The following GPC6 variants were observed in gnomAD, a reference collection of about 807,000 sequenced individuals.
GPC6 encodes glypican 6.
In GPC6, 14 loss-of-function variants were observed where a neutral mutation model predicts 55.2. That is an observed-to-expected ratio of 0.25 (90% CI 0.17 to 0.40). GPC6 has a LOEUF of 0.40. GPC6 is among the 10% of genes least tolerant of loss of function. The pLI, the probability that GPC6 is intolerant of heterozygous loss-of-function variation, is 1.00. For missense variants in GPC6, 641 were observed against 708.5 expected (o/e 0.90, Z 1.08); for synonymous variants, 278 against 259.6 (o/e 1.07, Z -0.68).
chr13:93,848,231 TC>T (rs1405773002), intron 3 of GPC6, among the ~76,000 whole-genome samples: 2 of 152,176 alleles, frequency 1.3e-5, no homozygotes, highest in East Asian at 3.9e-4. Context: ...TCTTACTTTT[TC>T]TTTATTCCAG....
intron 4 of GPC6, among the ~76,000 whole-genome samples, chr13:94,162,062 C>T (rs550023506): frequency 8.5e-5 from 13 of 152,242 alleles, no homozygotes; most frequent in African/African-American, 3.1e-4. Flanking sequence ...TGGCTCCCTC[C>T]CACAACACAT....
At chr13:94,378,784 A>T (rs1880021464) in intron 6 of GPC6, among the ~76,000 whole-genome samples, 1 of 152,234 alleles carries the variant, frequency 6.6e-6, no homozygotes, top group African/African-American at 2.4e-5. Context: ...GGGATTACTA[A>T]TATTACAGCA....
At chr13:94,195,803 G>A (rs1203523890) in intron 4 of GPC6, among the ~76,000 whole-genome samples, 3 of 152,190 alleles carry the variant, frequency 2.0e-5, no homozygotes, top group African/African-American at 7.2e-5. Context: ...GAAACATGGG[G>A]AAGAGCCCAT....
At chr13:93,251,811 G>A (rs1431178269) in intron 1 of GPC6, among the ~76,000 whole-genome samples, 1 of 152,204 alleles carries the variant, frequency 6.6e-6, no homozygotes, top group Non-Finnish European at 1.5e-5. Flanking sequence ...TTTATGATGA[G>A]CTCTGAAGAG....
At chr13:93,403,784 T>TC (rs1555297287) in intron 1 of GPC6, among the ~76,000 whole-genome samples, 10 of 152,102 alleles carry the variant, frequency 6.6e-5, no homozygotes, top group South Asian at 2.1e-4. Context: ...TAATTTTTTT[T>TC]TCTCTCTCTC....
At chr13:93,810,076 C>A (rs1886651996) in intron 2 of GPC6, among the ~76,000 whole-genome samples, 1 of 152,110 alleles carries the variant, frequency 6.6e-6, no homozygotes, top group Non-Finnish European at 1.5e-5. Flanking sequence ...CTTCCCTACG[C>A]ATATTGTCTC....
At chr13:93,946,952 A>G (rs1244028866) in intron 3 of GPC6, among the ~76,000 whole-genome samples, 2 of 152,202 alleles carry the variant, frequency 1.3e-5, no homozygotes, top group Non-Finnish European at 2.9e-5. Context: ...GTCTTGTGTT[A>G]GCACTCTCTA....
chr13:94,017,771 C>G (rs748650497), intron 3 of GPC6, among the ~76,000 whole-genome samples: 5 of 152,002 alleles, frequency 3.3e-5, no homozygotes, highest in African/African-American at 4.8e-5. Flanking sequence ...CTCTGCCTCC[C>G]AAGTTCAAGC....
intron 1 of GPC6, among the ~76,000 whole-genome samples, chr13:93,364,685 G>A (rs542524784): frequency 9.1e-5 from 12 of 131,714 alleles, no homozygotes; most frequent in East Asian, 2.9e-4. Flanking sequence ...GTGTGTGTGT[G>A]TATATATATA....
At chr13:93,813,451 A>G (rs1374485809) in intron 2 of GPC6, among the ~76,000 whole-genome samples, 8 of 152,156 alleles carry the variant, frequency 5.3e-5, no homozygotes, top group Admixed American at 2.6e-4. Context: ...TATTTATAAT[A>G]AGAATTTGCT....
At chr13:93,234,882 A>G (rs943084708) in intron 1 of GPC6, among the ~76,000 whole-genome samples, 1 of 152,208 alleles carries the variant, frequency 6.6e-6, no homozygotes, top group African/African-American at 2.4e-5. Flanking sequence ...TATCAGTGTC[A>G]CTGAGAGAAA....
chr13:94,209,116 A>T (rs973719336), intron 4 of GPC6, among the ~76,000 whole-genome samples: 15 of 152,138 alleles, frequency 9.9e-5, no homozygotes, highest in African/African-American at 3.4e-4. Flanking sequence ...CATCTGCACA[A>T]CACTTGTCAA....
At chr13:93,972,903 T>TTC (rs142791637) in intron 3 of GPC6, among the ~76,000 whole-genome samples, 14 of 141,166 alleles carry the variant, frequency 9.9e-5, no homozygotes, top group African/African-American at 2.9e-4. Context: ...GTCTCTCTCT[T>TTC]TCTCTCTCTC....
chr13:93,793,721 A>G (rs1184944270), intron 2 of GPC6, among the ~76,000 whole-genome samples: 1 of 152,208 alleles, frequency 6.6e-6, no homozygotes, highest in African/African-American at 2.4e-5. Context: ...AAATACTAGT[A>G]GTTATCAAAT....
At chr13:94,047,795 G>A (rs192861745) in intron 4 of GPC6, among the ~76,000 whole-genome samples, 1 of 152,212 alleles carries the variant, frequency 6.6e-6, no homozygotes, top group Admixed American at 6.5e-5. Context: ...GTTTTGTTTA[G>A]TGACATTTCT....
At chr13:93,402,671 T>C (rs1364468204) in intron 1 of GPC6, among the ~76,000 whole-genome samples, 2 of 152,210 alleles carry the variant, frequency 1.3e-5, no homozygotes, top group East Asian at 3.9e-4. Context: ...GCAGGTTTGA[T>C]TGTATACTAT....
chr13:93,855,259 T>C (rs1042289023), intron 3 of GPC6, among the ~76,000 whole-genome samples: 4 of 151,712 alleles, frequency 2.6e-5, no homozygotes, highest in African/African-American at 2.4e-5. Context: ...CAGAATGGCA[T>C]GTAGTTGGGA....
At chr13:93,258,826 T>C (rs1227828479) in intron 1 of GPC6, among the ~76,000 whole-genome samples, 2 of 152,132 alleles carry the variant, frequency 1.3e-5, no homozygotes, top group Non-Finnish European at 2.9e-5. Flanking sequence ...GCCATGTGCC[T>C]GTAGTCCTAG....
At chr13:94,396,444 T>G (rs144916647) in intron 7 of GPC6, among the ~76,000 whole-genome samples, 97 of 151,952 alleles carry the variant, frequency 6.4e-4, no homozygotes, top group African/African-American at 2.1e-3. Flanking sequence ...CCTGCAGGGG[T>G]GTAGCTTGGT....
Sources: allele counts gnomAD v4.1 joint callset (sites outside exome capture counted in the v4.1 genomes callset), GRCh38; gene constraint gnomAD v4.1.1; transcripts MANE v1.5; gene names NCBI Gene and HGNC (gene_info 2026-07-23, HGNC 2026-07-21).